IGF1R: variants seen among roughly 807,000 people sequenced by gnomAD.
IGF1R encodes insulin-like growth factor 1 receptor.
A neutral mutation model predicts 144.6 loss-of-function variants in IGF1R; 44 were observed. The ratio of observed to expected loss-of-function variants is 0.30; its 90% CI spans 0.24 to 0.39. IGF1R has a LOEUF of 0.39. IGF1R is among the 10% of genes least tolerant of loss of function. IGF1R has a pLI of 1.00. For synonymous variants in IGF1R, 795 were observed against 722.8 expected (o/e 1.10, Z -1.60); for missense variants, 1,355 against 1,833.7 (o/e 0.74, Z 4.77).
At chr15:98,817,984 G>A (rs980809052) in intron 2 of IGF1R, among the ~76,000 whole-genome samples, 1 of 152,226 alleles carries the variant, frequency 6.6e-6, no homozygotes, top group African/African-American at 2.4e-5. Context: ...TGGTTCTAGT[G>A]AGGGCTCTCT....
chr15:98,887,433 T>C (rs1227614530), intron 2 of IGF1R, among the ~76,000 whole-genome samples: 1 of 143,252 alleles, frequency 7.0e-6, no homozygotes, highest in Non-Finnish European at 1.5e-5. Context: ...ACGTTCTTAT[T>C]ACTACTGCAT....
intron 1 of IGF1R, among the ~76,000 whole-genome samples, chr15:98,703,265 T>C (rs932352408): frequency 4.6e-5 from 7 of 152,202 alleles, no homozygotes; most frequent in African/African-American, 1.7e-4. Flanking sequence ...ATTTTGCATT[T>C]TCCTTTTAAT....
intron 2 of IGF1R, among the ~76,000 whole-genome samples, chr15:98,778,168 A>T (rs964638150): frequency 2.6e-5 from 4 of 152,160 alleles, no homozygotes; most frequent in African/African-American, 9.7e-5. Context: ...TGTATCCCCA[A>T]GGGCAACTGA....
intron 2 of IGF1R, among the ~76,000 whole-genome samples, chr15:98,765,417 T>G (rs574457295): frequency 1.3e-5 from 2 of 150,902 alleles, no homozygotes; most frequent in Non-Finnish European, 1.5e-5. Flanking sequence ...CAAGTGATTC[T>G]TGTGCCTCAG....
chr15:98,882,176 G>A (rs563824717), intron 2 of IGF1R, among the ~76,000 whole-genome samples: 2 of 152,360 alleles, frequency 1.3e-5, no homozygotes, highest in South Asian at 2.1e-4. Context: ...AGTGGTGACT[G>A]AGTAAGATGT....
At chr15:98,717,402 C>T (rs928517694) in intron 2 of IGF1R, among the ~76,000 whole-genome samples, 3 of 152,018 alleles carry the variant, frequency 2.0e-5, no homozygotes, top group Non-Finnish European at 2.9e-5. Context: ...GAGTCTTAAG[C>T]TGTGTTGACT....
chr15:98,649,528 T>G lies in IGF1R; in HGVS notation c.-54T>G. 1.0e-5 allele frequency: 1 copy of G among 100,038 alleles called. No individual in the cohort carries two copies. The highest frequency in any genetic ancestry group is 2.2e-4 in the African/African-American group (1 of 4,538). 6.2% of individuals were successfully genotyped at this position (100,038 alleles called of 1,614,324 possible). On this transcript the variant is annotated 5_prime_UTR_variant, in exon 1 of 21. Coordinates refer to ENST00000650285, the MANE Select transcript of IGF1R (RefSeq NM_000875.5). ...TTTCCTTTTTTTCTTTTCTTTTCTT[T>G]TTTTTTTTTTTTTTTTTTTTTGAGA...
chr15:98,894,890 G>A (rs954448310), intron 3 of IGF1R, among the ~76,000 whole-genome samples: 1 of 152,054 alleles, frequency 6.6e-6, no homozygotes, highest in Non-Finnish European at 1.5e-5. Context: ...GCCTGGTGAT[G>A]GGTGCCTGTA....
At chr15:98,811,513 G>C (rs1389991900) in intron 2 of IGF1R, among the ~76,000 whole-genome samples, 1 of 140,698 alleles carries the variant, frequency 7.1e-6, no homozygotes, top group Non-Finnish European at 1.5e-5. Flanking sequence ...CTGGGTGACA[G>C]AGCGAAACTC....
intron 1 of IGF1R, among the ~76,000 whole-genome samples, chr15:98,696,493 A>T (rs955821744): frequency 3.3e-5 from 5 of 152,214 alleles, no homozygotes; most frequent in African/African-American, 1.2e-4. Flanking sequence ...TAGACCAAGT[A>T]TGTGTTCCTG....
At position 98,767,544 on chromosome 15, in the gene IGF1R, G is replaced by A. The variant is rs184601154; in HGVS notation, c.640+59437G>A. Among the ~76,000 whole-genome samples the A allele has an allele frequency of 4.9e-3, 743 of 152,250 alleles. 3 individuals carry two copies. The highest frequency in any genetic ancestry group is 8.4e-3 in the Non-Finnish European group (572 of 68,026). Reference sequence around the variant, plus strand: ...GCTTCTTTAAAAAAATGATGAAAGAGCTTTATCAATGTTTTGAATAACCCA... The same window carrying A: ...GCTTCTTTAAAAAAATGATGAAAGAACTTTATCAATGTTTTGAATAACCCA... On this transcript the variant is annotated intron_variant, in intron 2 of 20. Transcript: ENST00000650285.
At chr15:98,793,471 C>T (rs896971963) in intron 2 of IGF1R, among the ~76,000 whole-genome samples, 2 of 152,166 alleles carry the variant, frequency 1.3e-5, no homozygotes, top group Non-Finnish European at 2.9e-5. Context: ...AAGTCACAGA[C>T]TCAAGTTACT....
intron 2 of IGF1R, among the ~76,000 whole-genome samples, chr15:98,867,782 G>A (rs989471470): frequency 6.6e-6 from 1 of 152,212 alleles, no homozygotes; most frequent in Non-Finnish European, 1.5e-5. Flanking sequence ...TAAACACTAT[G>A]TTTGATGTGG....
At chr15:98,729,211 TGA>T (rs1442898661) in intron 2 of IGF1R, among the ~76,000 whole-genome samples, 1 of 152,224 alleles carries the variant, frequency 6.6e-6, no homozygotes, top group African/African-American at 2.4e-5. Flanking sequence ...ATCTTTGTTC[TGA>T]GATAAATTAA....
chr15:98,649,848 G>C (rs1016908800), intron 1 of IGF1R, among the ~76,000 whole-genome samples, 173 bp downstream of exon 1: 1 of 152,128 alleles, frequency 6.6e-6, no homozygotes, highest in African/African-American at 2.4e-5. Context: ...GCGGACCCGG[G>C]ACCCGGGCTC....
rs1347003666 is a variant in IGF1R at position 98,963,274 on chromosome 15, G to A, written c.*5832G>A. 8.7e-6 allele frequency: 2 copies of A among 230,648 alleles called. No homozygotes were observed. The highest frequency in any genetic ancestry group is 1.2e-4 in the East Asian group (2 of 16,410). 14.3% of individuals were successfully genotyped at this position (230,648 alleles called of 1,614,324 possible). On this transcript the variant is annotated 3_prime_UTR_variant, in exon 21 of 21. Coordinates refer to ENST00000650285, the MANE Select transcript of IGF1R (RefSeq NM_000875.5). ...GCTAGCTTTACAATATGCCAAAAAA[G>A]GATTTCTCCCTGACCCCATCCGTGG...
rs566994588 is a variant in IGF1R at position 98,748,599 on chromosome 15, A to G, written c.640+40492A>G. 5.9e-5 allele frequency among the ~76,000 whole-genome samples: 9 copies of G among 152,356 alleles called. No individual in the cohort carries two copies. In the East Asian group the frequency reaches 1.7e-3, roughly 29 times the overall value. On this transcript the variant is annotated intron_variant, in intron 2 of 20. Transcript: ENST00000650285. ...TTGACTTGCACTCCAGAATTGGAAA[A>G]TTGGAAAACTGTAGGAAACTGGAAA...
intron 1 of IGF1R, among the ~76,000 whole-genome samples, chr15:98,679,209 G>A (rs751554247): frequency 6.6e-6 from 1 of 152,116 alleles, no homozygotes; most frequent in African/African-American, 2.4e-5. Context: ...CTGGCCTTCT[G>A]GTTCTTTTTA....
At chr15:98,824,850 T>G (rs1363416760) in intron 2 of IGF1R, among the ~76,000 whole-genome samples, 2 of 152,100 alleles carry the variant, frequency 1.3e-5, no homozygotes, top group Non-Finnish European at 2.9e-5. Context: ...TTCTTTTTTT[T>G]TTTTGAAACG....
Sources: allele counts gnomAD v4.1 joint callset (sites outside exome capture counted in the v4.1 genomes callset), GRCh38; gene constraint gnomAD v4.1.1; transcripts MANE v1.5; gene names NCBI Gene and HGNC (gene_info 2026-07-23, HGNC 2026-07-21).